ABCB5: variants seen among roughly 807,000 people sequenced by gnomAD.
ABCB5 encodes the protein ATP binding cassette subfamily B member 5, also known as ATP-binding cassette sub-family B member 5.
ABCB5 carries 155 observed loss-of-function variants against 144.2 expected under a neutral mutation model. The ratio of observed to expected loss-of-function variants is 1.08; its 90% CI spans 0.94 to 1.23. The LOEUF (loss-of-function observed/expected upper bound fraction) is 1.23. Among genes scored for constraint, ABCB5 ranks in the 50% most tolerant of loss-of-function variants. ABCB5 has a pLI of 0.00. For missense variants in ABCB5, 1,830 were observed against 1,520.8 expected (o/e 1.20, Z -3.38); for synonymous variants, 610 against 528.6 (o/e 1.15, Z -2.11).
intron 20 of ABCB5, among the ~76,000 whole-genome samples, chr7:20,709,887 C>T (rs1281505818): frequency 6.7e-6 from 1 of 148,878 alleles, no homozygotes; most frequent in Non-Finnish European, 1.5e-5. Flanking sequence ...ACCAGGCTGC[C>T]AACATGGTGA....
chr7:20,745,900 G>A (rs1332366355), intron 26 of ABCB5, among the ~76,000 whole-genome samples: 3 of 152,178 alleles, frequency 2.0e-5, no homozygotes, highest in Admixed American at 2.0e-4. Context: ...CACCCCATGG[G>A]GAGGGGCTGC....
At chr7:20,665,125 C>T (rs6949422) in intron 14 of ABCB5, among the ~76,000 whole-genome samples, 3,909 of 152,208 alleles carry the variant, frequency 0.026, 144 homozygotes, top group African/African-American at 0.079. Flanking sequence ...AGGTAGTACA[C>T]GTGGGTTCAT....
At chr7:20,728,538 G>A in intron 23 of ABCB5, 83 bp downstream of exon 23, 7 of 1,468,756 alleles carry the variant, frequency 4.8e-6, no homozygotes, top group Non-Finnish European at 5.5e-6. Context: ...TGGATCACTT[G>A]AGGTCAGGAG....
chr7:20,628,707 T>G lies in ABCB5; in HGVS notation c.128T>G (p.Leu43Arg). Reference sequence around the variant, plus strand: ...CCTCAGTTCCGCTTTGCTGATGGACTGGACATCACACTCATGATCCTGGGT... The same window carrying G: ...CCTCAGTTCCGCTTTGCTGATGGACGGGACATCACACTCATGATCCTGGGT... ...SIEIFRFADGLDITLMILGIL... is the reference protein window; with the variant it reads ...SIEIFRFADGRDITLMILGIL... The change falls in exon 4 of 28, where the codon CTG becomes CGG. Residue 43 changes from leucine (L) to arginine (R), a missense_variant. By Grantham distance (102) the Leu-to-Arg change is moderately radical (BLOSUM62 -2). Coordinates refer to ENST00000404938, the MANE Select transcript of ABCB5 (RefSeq NM_001163941.2). 4 of 1,613,316 alleles carry G rather than the reference T, an allele frequency of 2.5e-6. No homozygotes were observed. The highest frequency in any genetic ancestry group is 3.4e-6 in the Non-Finnish European group (4 of 1,179,624).
At chr7:20,739,241 T>A in intron 24 of ABCB5, 102 bp downstream of exon 24, 1 of 1,257,716 alleles carries the variant, frequency 8.0e-7, no homozygotes, top group South Asian at 1.6e-5. Flanking sequence ...GCTGAAAAAC[T>A]AACCATTGGG....
At chr7:20,752,106 T>C (rs559445895) in intron 26 of ABCB5, among the ~76,000 whole-genome samples, 45 of 152,228 alleles carry the variant, frequency 3.0e-4, no homozygotes, top group Non-Finnish European at 6.0e-4. Flanking sequence ...CAAGCTTCTC[T>C]AGATTACCAA....
chr7:20,667,784 C>T (rs1038589734), intron 14 of ABCB5, among the ~76,000 whole-genome samples: 1 of 149,926 alleles, frequency 6.7e-6, no homozygotes, highest in Non-Finnish European at 1.5e-5. Context: ...CAAACCTGGA[C>T]TGTACTGCTG....
chr7:20,668,437 G>C (rs1183946732), intron 14 of ABCB5, among the ~76,000 whole-genome samples: 1 of 151,200 alleles, frequency 6.6e-6, no homozygotes, highest in Admixed American at 6.6e-5. Flanking sequence ...GGTGAGGAGC[G>C]TCTCTGCCCG....
intron 23 of ABCB5, among the ~76,000 whole-genome samples, chr7:20,736,876 G>A (rs1284393100): frequency 6.6e-6 from 1 of 152,114 alleles, no homozygotes; most frequent in Non-Finnish European, 1.5e-5. Context: ...AATCCACCTG[G>A]AGAAAAAGCG....
intron 19 of ABCB5, among the ~76,000 whole-genome samples, chr7:20,702,828 ATTTTTTTTTT>A (rs5882755): frequency 3.5e-5 from 4 of 114,120 alleles, no homozygotes; most frequent in East Asian, 2.8e-4. Context: ...CGCCTGGCTA[ATTTTTTTTTT>A]TTTTTTTTTT....
intron 16 of ABCB5, among the ~76,000 whole-genome samples, chr7:20,694,201 C>T (rs1404348084): frequency 1.3e-5 from 2 of 151,582 alleles, no homozygotes; most frequent in Non-Finnish European, 2.9e-5. Context: ...AAATATCAGC[C>T]ATGAACATAG....
At chr7:20,749,517 C>G (rs1196811571) in intron 26 of ABCB5, among the ~76,000 whole-genome samples, 1 of 150,834 alleles carries the variant, frequency 6.6e-6, no homozygotes, top group African/African-American at 2.4e-5. Context: ...GTGTCCAGCC[C>G]CATGTCTTCA....
chr7:20,746,763 G>C (rs1422084590), intron 26 of ABCB5, among the ~76,000 whole-genome samples: 1 of 152,090 alleles, frequency 6.6e-6, no homozygotes. Flanking sequence ...TATAATATCT[G>C]AGTGTTTGCA....
intron 15 of ABCB5, among the ~76,000 whole-genome samples, chr7:20,683,829 G>A (rs981945728): frequency 6.6e-6 from 1 of 152,172 alleles, no homozygotes; most frequent in Non-Finnish European, 1.5e-5. Context: ...ATTGACTGCG[G>A]TATCAAAATG....
intron 26 of ABCB5, among the ~76,000 whole-genome samples, chr7:20,749,050 C>A (rs900285688): frequency 2.6e-5 from 4 of 151,956 alleles, no homozygotes; most frequent in African/African-American, 9.7e-5. Flanking sequence ...CTTTGTCTCT[C>A]CCTTTCTTTC....
intron 9 of ABCB5, 198 bp from the exon 10 acceptor site, chr7:20,647,337 G>C: frequency 3.7e-6 from 5 of 1,335,566 alleles, no homozygotes; most frequent in Non-Finnish European, 4.8e-6. Context: ...ATTAATCTGT[G>C]TTTCTATTGC....
chr7:20,659,313 C>T (rs528204590), intron 14 of ABCB5: 2 of 1,411,822 alleles, frequency 1.4e-6, no homozygotes, highest in East Asian at 5.0e-5. Flanking sequence ...GGCCTGACTC[C>T]CTTATAAACC....
chr7:20,719,672 G>C (rs1176748473), intron 20 of ABCB5, among the ~76,000 whole-genome samples: 1 of 152,170 alleles, frequency 6.6e-6, no homozygotes, highest in Non-Finnish European at 1.5e-5. Flanking sequence ...GCCAGAGCAG[G>C]GTGAGGAGGG....
rs189543788 is a variant in ABCB5, at chr7:20,663,765, G to T, written c.1707+5089G>T. Among the ~76,000 whole-genome samples, 434 of 147,712 alleles carry T rather than the reference G, an allele frequency of 2.9e-3. 11 individuals carry two copies. Among genetic ancestry groups the T allele is most frequent in the Admixed American group, 0.027 (401 of 14,644 alleles). ...GAATCTTGATCTGTCACCCAGGCTG[G>T]AGTGCAGTGGCATGATCTCAGCTCA... On this transcript the variant is annotated intron_variant, in intron 14 of 27. Transcript: ENST00000404938.
Sources: allele counts gnomAD v4.1 joint callset (sites outside exome capture counted in the v4.1 genomes callset), GRCh38; gene constraint gnomAD v4.1.1; transcripts MANE v1.5; gene names NCBI Gene and HGNC (gene_info 2026-07-23, HGNC 2026-07-21).